Variants in CPA6 observed in about 807,000 individuals in gnomAD.
CPA6 encodes carboxypeptidase A6.
A neutral mutation model predicts 63.3 loss-of-function variants in CPA6; 58 were observed. The observed-to-expected ratio is 0.92, with a 90% CI of 0.74 to 1.14. CPA6 has a LOEUF of 1.14. Among genes scored for constraint, CPA6 ranks in the 50% most tolerant of loss-of-function variants. The pLI, the probability that CPA6 is intolerant of heterozygous loss-of-function variation, is 0.00. For missense variants in CPA6, 565 were observed against 526.6 expected (o/e 1.07, Z -0.71); for synonymous variants, 185 against 179.0 (o/e 1.03, Z -0.27).
chr8:67,684,003 A>ATG (rs1816653191), intron 1 of CPA6, among the ~76,000 whole-genome samples: 2 of 25,966 alleles, frequency 7.7e-5, no homozygotes, highest in Admixed American at 5.6e-4. Context: ...TTTAAAATGT[A>ATG]TATATATATA....
At chr8:67,580,512 G>A (rs1813743719) in intron 2 of CPA6, among the ~76,000 whole-genome samples, 1 of 152,158 alleles carries the variant, frequency 6.6e-6, no homozygotes, top group Non-Finnish European at 1.5e-5. Context: ...TCAAAACTGG[G>A]TTGCATTTTA....
chr8:67,449,062 G>C (rs1810498409), intron 8 of CPA6, among the ~76,000 whole-genome samples: 1 of 152,122 alleles, frequency 6.6e-6, no homozygotes, highest in Non-Finnish European at 1.5e-5. Context: ...GACCAGCCTG[G>C]CCAACAAGGT....
chr8:67,607,789 C>T (rs916092702), intron 2 of CPA6, among the ~76,000 whole-genome samples: 9 of 152,166 alleles, frequency 5.9e-5, no homozygotes, highest in Admixed American at 2.6e-4. Context: ...TTGTCTACTG[C>T]CCAATTGCTA....
intron 2 of CPA6, among the ~76,000 whole-genome samples, chr8:67,618,551 T>G (rs1815009787): frequency 1.3e-5 from 2 of 152,150 alleles, no homozygotes; most frequent in Non-Finnish European, 2.9e-5. Flanking sequence ...GTTTTCCCCA[T>G]GTGATTTTAT....
At chr8:67,539,403 G>A (rs1043917364) in intron 2 of CPA6, among the ~76,000 whole-genome samples, 5 of 152,160 alleles carry the variant, frequency 3.3e-5, no homozygotes, top group African/African-American at 1.2e-4. Context: ...TGGGTAACTC[G>A]ATCTTTCTGT....
At chr8:67,429,525 C>A (rs1376327059) in intron 9 of CPA6, 1 of 152,150 alleles carries the variant, frequency 6.6e-6, no homozygotes, top group Non-Finnish European at 1.5e-5. Context: ...GCAGCAAATG[C>A]CACCATTTGT....
intron 2 of CPA6, among the ~76,000 whole-genome samples, chr8:67,584,690 G>A (rs1457813250): frequency 1.3e-5 from 2 of 152,180 alleles, no homozygotes; most frequent in Non-Finnish European, 2.9e-5. Context: ...TGAGAATGGG[G>A]TTGGATCTTC....
At chr8:67,696,081 T>G (rs1299406406) in intron 1 of CPA6, among the ~76,000 whole-genome samples, 2 of 152,100 alleles carry the variant, frequency 1.3e-5, no homozygotes, top group Non-Finnish European at 2.9e-5. Context: ...TAGGCTGAAG[T>G]GATGGATCCT....
At chr8:67,667,117 A>G (rs1816248613) in intron 1 of CPA6, among the ~76,000 whole-genome samples, 1 of 152,198 alleles carries the variant, frequency 6.6e-6, no homozygotes, top group African/African-American at 2.4e-5. Flanking sequence ...ATCTACACAG[A>G]CTCAGGTATT....
At chr8:67,715,699 A>T (rs931254103) in intron 1 of CPA6, among the ~76,000 whole-genome samples, 2 of 152,232 alleles carry the variant, frequency 1.3e-5, no homozygotes, top group Non-Finnish European at 2.9e-5. Context: ...TTCTTTAATA[A>T]ATTTATAGAC....
intron 2 of CPA6, among the ~76,000 whole-genome samples, chr8:67,595,567 C>A (rs998302358): frequency 1.3e-5 from 2 of 152,226 alleles, no homozygotes; most frequent in Non-Finnish European, 2.9e-5. Flanking sequence ...CTTTGTTTAC[C>A]TAAGCGAGCC....
In CPA6 at chr8:67,678,227, TCACACACACACACACACACA is replaced by T. The variant is rs1229557199; in HGVS notation, c.117-53996_117-53977del. Reference sequence around the variant, plus strand: ...TGGGAGATAATTGTAAAACTCTGTCTCACACACACACACACACACACACACACACACACACAAACCCTGAT... The same window carrying T: ...TGGGAGATAATTGTAAAACTCTGTCTCACACACACACACACAAACCCTGAT... On this transcript the variant is annotated intron_variant, in intron 1 of 10. Coordinates refer to ENST00000297770, the MANE Select transcript of CPA6 (RefSeq NM_020361.5). Among the ~76,000 whole-genome samples, 11 of 127,666 alleles carry T rather than the reference TCACACACACACACACACACA, an allele frequency of 8.6e-5. No homozygotes were observed. In the South Asian group the frequency reaches 2.5e-3, roughly 29 times the overall value. 83.8% of individuals were successfully genotyped at this position (127,666 alleles called of 152,430 possible).
At chr8:67,655,253 T>C (rs1815957559) in intron 1 of CPA6, among the ~76,000 whole-genome samples, 1 of 152,156 alleles carries the variant, frequency 6.6e-6, no homozygotes, top group African/African-American at 2.4e-5. Context: ...TTTACAAATT[T>C]ATATACTGGG....
At chr8:67,591,327 C>T (rs1304868484) in intron 2 of CPA6, among the ~76,000 whole-genome samples, 1 of 151,844 alleles carries the variant, frequency 6.6e-6, no homozygotes, top group African/African-American at 2.4e-5. Flanking sequence ...TGTGATGCCT[C>T]CAGCTTTGTT....
At chr8:67,534,796 C>T (rs1812550448) in intron 2 of CPA6, among the ~76,000 whole-genome samples, 2 of 152,156 alleles carry the variant, frequency 1.3e-5, no homozygotes, top group East Asian at 1.9e-4. Flanking sequence ...TATACACGTG[C>T]CATGGTGGTT....
intron 8 of CPA6, among the ~76,000 whole-genome samples, chr8:67,448,079 C>T (rs1810470255): frequency 6.6e-6 from 1 of 152,250 alleles, no homozygotes; most frequent in South Asian, 2.1e-4. Context: ...GCCACTGTGC[C>T]TGGCCAATTG....
intron 4 of CPA6, 134 bp from the exon 5 acceptor site, chr8:67,509,752 A>T (rs1563980970): frequency 2.1e-6 from 1 of 487,114 alleles, no homozygotes; most frequent in East Asian, 3.3e-5. Context: ...ATTGAACAAA[A>T]AACCTACTTC....
intron 9 of CPA6, 37 bp downstream of exon 9, chr8:67,434,001 T>G: frequency 6.8e-7 from 1 of 1,462,840 alleles, no homozygotes; most frequent in Non-Finnish European, 9.6e-7. Flanking sequence ...AAAAGCAGCA[T>G]GAAGCCTGAT....
At chr8:67,454,461 A>G (rs1216437411) in intron 8 of CPA6, among the ~76,000 whole-genome samples, 1 of 152,230 alleles carries the variant, frequency 6.6e-6, no homozygotes, top group Admixed American at 6.5e-5. Flanking sequence ...GCATTAGGAC[A>G]TAGCATTTCA....
Sources: allele counts gnomAD v4.1 joint callset (sites outside exome capture counted in the v4.1 genomes callset), GRCh38; gene constraint gnomAD v4.1.1; transcripts MANE v1.5; gene names NCBI Gene and HGNC (gene_info 2026-07-23, HGNC 2026-07-21).